The following ASXL1 variants were observed in gnomAD, a reference collection of about 807,000 sequenced individuals.
The protein encoded by ASXL1 is ASXL transcriptional regulator 1.
In ASXL1, 65 loss-of-function variants were observed where a neutral mutation model predicts 89.1. That is an observed-to-expected ratio of 0.73 (90% CI 0.60 to 0.90). ASXL1 has a LOEUF of 0.90. ASXL1 is among the 40% of genes least tolerant of loss of function. The pLI, the probability that ASXL1 is intolerant of heterozygous loss-of-function variation, is 0.00. For synonymous variants in ASXL1, 739 were observed against 746.9 expected, an observed-to-expected ratio of 0.99 and a Z score of 0.17; for missense variants, 1,786 against 1,942.9, an observed-to-expected ratio of 0.92 and a Z score of 1.52.
At chr20:32,432,765 T>C in intron 10 of ASXL1, 115 bp from the exon 11 acceptor site, 7 of 1,282,278 alleles carry the variant, frequency 5.5e-6, no homozygotes, top group Non-Finnish European at 7.7e-6. Context: ...AAGAGCATGA[T>C]GTGAGAGAGC....
intron 4 of ASXL1, among the ~76,000 whole-genome samples, chr20:32,376,025 T>G (rs1001228862): frequency 6.6e-6 from 1 of 151,992 alleles, no homozygotes; most frequent in Non-Finnish European, 1.5e-5. Context: ...TGTAGAAATC[T>G]TCGTTATTTC....
chr20:32,362,491 C>G (rs1175571768), intron 1 of ASXL1, among the ~76,000 whole-genome samples: 1 of 151,934 alleles, frequency 6.6e-6, no homozygotes, highest in East Asian at 1.9e-4. Flanking sequence ...AAAAAATTAG[C>G]CAGGCGTGGT....
rs377208240 is a variant in ASXL1, at chr20:32,428,321, C to G, written c.374-4C>G. On this transcript the variant is annotated splice_polypyrimidine_tract_variant and splice_region_variant and intron_variant, in intron 5 of 12. Transcript: ENST00000375687. ...GGACTAACCTTTATTTTCCTCTCTT[C>G]CAGTATCTCTTGATGAAACATCTTC... The G allele has an allele frequency of 3.7e-6, 6 of 1,614,054 alleles. No individual in the cohort carries two copies. The highest frequency in any genetic ancestry group is 3.3e-5 in the Admixed American group (2 of 60,002).
chr20:32,415,534 A>G (rs1046483486), intron 4 of ASXL1, among the ~76,000 whole-genome samples: 1 of 152,068 alleles, frequency 6.6e-6, no homozygotes, highest in African/African-American at 2.4e-5. Context: ...AGAGTTTGAA[A>G]CAGTTCTCCT....
At chr20:32,358,977 G>A (rs1284723474) in intron 1 of ASXL1, 145 bp downstream of exon 1, 12 of 898,204 alleles carry the variant, frequency 1.3e-5, no homozygotes, top group South Asian at 3.7e-5. Flanking sequence ...GGACAGCCCC[G>A]CAAGGCGAGG....
intron 4 of ASXL1, among the ~76,000 whole-genome samples, chr20:32,406,851 A>G (rs2048964562): frequency 6.6e-6 from 1 of 152,118 alleles, no homozygotes; most frequent in Non-Finnish European, 1.5e-5. Context: ...ACACTCAGAT[A>G]CACACAGATA....
chr20:32,391,347 A>C (rs922507783), intron 4 of ASXL1, among the ~76,000 whole-genome samples: 1 of 152,138 alleles, frequency 6.6e-6, no homozygotes, highest in African/African-American at 2.4e-5. Context: ...GTAAGTTTCT[A>C]TGTGGACATA....
At chr20:32,366,595 A>G (rs926890622) in intron 2 of ASXL1, 129 bp downstream of exon 2, 2 of 1,548,904 alleles carry the variant, frequency 1.3e-6, no homozygotes, top group Non-Finnish European at 8.8e-7. Flanking sequence ...AGATGGAACT[A>G]TCCATTTCCC....
At position 32,429,651 on chromosome 20, in the gene ASXL1, G is replaced by T; in HGVS notation, c.565+220G>T. On this transcript the variant is annotated intron_variant, in intron 7 of 12. Transcript: ENST00000375687. This position sits in a 1 kb window ranked among gnomAD's most constrained non-coding sequence, Gnocchi z 4.9. ...AGGGCAGTCGTGAGGATCCAACGGA[G>T]GATTTGATTATGCCAGTGCTTTGTA... 1 of 707,248 alleles carries T rather than the reference G, an allele frequency of 1.4e-6. No homozygotes were observed. Among genetic ancestry groups the T allele is most frequent in the Non-Finnish European group, 2.3e-6 (1 of 426,132 alleles). The allele number at this position is 707,248 out of a possible 1,614,324, so 43.8% of individuals were successfully genotyped here.
intron 4 of ASXL1, chr20:32,427,254 G>A (rs1386012953): frequency 6.6e-6 from 1 of 152,190 alleles, no homozygotes; most frequent in Non-Finnish European, 1.5e-5. Context: ...TTGGGATGGA[G>A]TTCTCCTCTA....
intron 1 of ASXL1, chr20:32,359,040 C>A: frequency 1.6e-6 from 1 of 608,488 alleles, no homozygotes; most frequent in South Asian, 2.0e-5. Flanking sequence ...CGCTCGCCCT[C>A]GCGCCCCCCC....
chr20:32,409,939 C>T (rs2049016558), intron 4 of ASXL1, among the ~76,000 whole-genome samples: 1 of 152,026 alleles, frequency 6.6e-6, no homozygotes, highest in African/African-American at 2.4e-5. Flanking sequence ...TTTTAAAGTA[C>T]AGACCATTTA....
At chr20:32,417,018 C>A (rs1474122862) in intron 4 of ASXL1, among the ~76,000 whole-genome samples, 2 of 152,024 alleles carry the variant, frequency 1.3e-5, no homozygotes, top group African/African-American at 4.8e-5. Context: ...GAATTTTTTT[C>A]CCCTTGACTG....
At chr20:32,359,892 G>A (rs1487171123) in intron 1 of ASXL1, 1 of 714,668 alleles carries the variant, frequency 1.4e-6, no homozygotes, top group Admixed American at 2.0e-5. Flanking sequence ...GTTATACTAA[G>A]ATGTCAGTTC....
intron 4 of ASXL1, among the ~76,000 whole-genome samples, chr20:32,395,799 A>G (rs1430807866): frequency 2.0e-5 from 3 of 152,044 alleles, no homozygotes; most frequent in African/African-American, 7.2e-5. Context: ...TTAAAAATTC[A>G]GTTTTTTTCT....
chr20:32,424,982 A>G (rs2011233062), intron 4 of ASXL1, among the ~76,000 whole-genome samples: 1 of 150,726 alleles, frequency 6.6e-6, no homozygotes, highest in South Asian at 2.1e-4. Flanking sequence ...CCATTCTTCC[A>G]GCTGAAGGTA....
intron 4 of ASXL1, among the ~76,000 whole-genome samples, chr20:32,395,737 A>G (rs185071228): frequency 9.9e-5 from 15 of 152,164 alleles, no homozygotes; most frequent in Admixed American, 8.5e-4. Flanking sequence ...ACTAGTCTTT[A>G]TCTTTCCCAT....
At position 32,435,152 on chromosome 20, in the gene ASXL1, A is replaced by G; in HGVS notation, c.2440A>G (p.Ile814Val). The G allele has an allele frequency of 3.1e-6, 5 of 1,613,964 alleles. No homozygotes were observed. The South Asian group carries it at 3.3e-5, about 11-fold the overall frequency. Residue 814 changes from isoleucine (I) to valine (V), a missense_variant, in exon 13 of 13, where the codon ATT becomes GTT. By Grantham distance (29) the Ile-to-Val change is conservative (BLOSUM62 3). Coordinates refer to ENST00000375687, the MANE Select transcript of ASXL1 (RefSeq NM_015338.6). ...CACCGTTCCTGCAGACAATGGTCCC[A>G]TTCCGTCTCTAGTGGGAGATGATAC... ...GPTVPADNGP[I>V]PSLVGDDTLE...
intron 4 of ASXL1, chr20:32,372,416 T>C (rs2048313345): frequency 1.8e-6 from 2 of 1,106,546 alleles, no homozygotes. Flanking sequence ...GTTGTGCTCT[T>C]TTAATGGATT....
Sources: allele counts gnomAD v4.1 joint callset (sites outside exome capture counted in the v4.1 genomes callset), GRCh38; gene constraint gnomAD v4.1.1; non-coding constraint Gnocchi (gnomAD v3.1); transcripts MANE v1.5; gene names NCBI Gene and HGNC (gene_info 2026-07-23, HGNC 2026-07-21).